The following BCL2L13 variants were observed in gnomAD, a reference collection of about 807,000 sequenced individuals.
BCL2L13 encodes the protein BCL2 like 13, also known as bcl-2-like protein 13.
Under a neutral mutation model 25.8 loss-of-function variants are expected in BCL2L13, and 13 were observed. The ratio of observed to expected loss-of-function variants is 0.50; its 90% CI spans 0.33 to 0.80. The LOEUF is 0.80. BCL2L13 is among the 30% of genes least tolerant of loss of function. The pLI, the probability that BCL2L13 is intolerant of heterozygous loss-of-function variation, is 0.02. For missense variants in BCL2L13, 504 were observed against 574.9 expected, an observed-to-expected ratio of 0.88 and a Z score of 1.26; for synonymous variants, 244 against 230.3, an observed-to-expected ratio of 1.06 and a Z score of -0.54.
intron 2 of BCL2L13, among the ~76,000 whole-genome samples, chr22:17,675,067 C>T (rs2059538383): frequency 1.0e-5 from 1 of 97,322 alleles, no homozygotes; most frequent in African/African-American, 3.4e-5. Flanking sequence ...TACATACATA[C>T]ATATGTATAC....
chr22:17,712,318 C>G (rs1273695861), intron 6 of BCL2L13, among the ~76,000 whole-genome samples: 1 of 152,200 alleles, frequency 6.6e-6, no homozygotes, highest in Admixed American at 6.5e-5. Context: ...AATGCCTCAT[C>G]ACTTTCCTGT....
chr22:17,666,197 T>A (rs903719109), intron 2 of BCL2L13, among the ~76,000 whole-genome samples: 4 of 145,202 alleles, frequency 2.8e-5, no homozygotes, highest in Non-Finnish European at 6.0e-5. Flanking sequence ...AATTTTTAAA[T>A]GTATTTTTAT....
rs546432892 is a variant in BCL2L13 at position 17,645,708 on chromosome 22, G to A, written c.-51+6822G>A. Among the ~76,000 whole-genome samples the A allele has an allele frequency of 1.2e-4, 18 of 151,588 alleles. No homozygotes were observed. In the South Asian group the frequency reaches 3.5e-3, roughly 30 times the overall value. ...TTGTGGATATACATTTGTTGTTAAA[G>A]GTTCATGGATGTTTTATTTGTGGCT... On this transcript the variant is annotated intron_variant, in intron 1 of 6. Transcript: ENST00000317582.
At chr22:17,709,385 C>T (rs144647278) in intron 6 of BCL2L13, among the ~76,000 whole-genome samples, 230 of 151,948 alleles carry the variant, frequency 1.5e-3, no homozygotes, top group African/African-American at 5.3e-3. Context: ...ACCTGAAGTC[C>T]GGAGTTCGAG....
intron 6 of BCL2L13, among the ~76,000 whole-genome samples, chr22:17,719,743 C>T (rs955212644): frequency 2.7e-5 from 4 of 148,858 alleles, no homozygotes; most frequent in South Asian, 2.2e-4. Flanking sequence ...GCAGGATAAT[C>T]GCTGGAATCC....
chr22:17,631,867 G>A (rs914307633), intron 1 of BCL2L13, among the ~76,000 whole-genome samples: 2 of 150,558 alleles, frequency 1.3e-5, no homozygotes, highest in African/African-American at 4.9e-5. Flanking sequence ...GACTATAGGC[G>A]CGTGCCACCA....
chr22:17,680,511 C>CAAAAAAAA lies in BCL2L13; in HGVS notation c.122-2680_122-2673dup, dbSNP rs770410371. On this transcript the variant is annotated intron_variant, in intron 2 of 6. Coordinates refer to ENST00000317582, the MANE Select transcript of BCL2L13 (RefSeq NM_015367.4). ...CCTGGGAGAGAGCGAGACTCTGTCT[C>CAAAAAAAA]AAAAAAAAAAAAAAAAAAAAAAAAA... 4.5e-3 allele frequency among the ~76,000 whole-genome samples: 60 copies of CAAAAAAAA among 13,244 alleles called. 1 individual carries two copies. Among genetic ancestry groups the CAAAAAAAA allele is most frequent in the Non-Finnish European group, 6.1e-3 (48 of 7,834 alleles). The allele number at this position is 13,244 out of a possible 152,430, so 8.7% of individuals were successfully genotyped here. A position where few individuals can be genotyped will look rare whatever the true frequency, so the allele number is the denominator to read the frequency against.
chr22:17,629,643 G>A (rs1342272850), intron 1 of BCL2L13, among the ~76,000 whole-genome samples: 2 of 151,936 alleles, frequency 1.3e-5, no homozygotes, highest in Admixed American at 6.6e-5. Flanking sequence ...GAGGTCAAAT[G>A]GTACACCCAC....
intron 2 of BCL2L13, among the ~76,000 whole-genome samples, chr22:17,680,511 C>CAAAAAAAAA (rs770410371): frequency 5.2e-4 from 7 of 13,346 alleles, no homozygotes; most frequent in Non-Finnish European, 7.6e-4. Context: ...GACTCTGTCT[C>CAAAAAAAAA]AAAAAAAAAA....
chr22:17,683,360 G>A, intron 3 of BCL2L13, 39 bp downstream of exon 3: 1 of 1,223,022 alleles, frequency 8.2e-7, no homozygotes, highest in South Asian at 1.3e-5. Context: ...TAAGCAGATT[G>A]TGTTTGTTAT....
chr22:17,648,566 A>T (rs972102240), intron 1 of BCL2L13, among the ~76,000 whole-genome samples: 1 of 152,084 alleles, frequency 6.6e-6, no homozygotes, highest in Non-Finnish European at 1.5e-5. Flanking sequence ...AAAAAGTTGC[A>T]TGGCTGTTTT....
chr22:17,652,775 CAG>C (rs1014566374), intron 1 of BCL2L13, among the ~76,000 whole-genome samples: 1 of 152,054 alleles, frequency 6.6e-6, no homozygotes, highest in Non-Finnish European at 1.5e-5. Flanking sequence ...AGTGAAAAAA[CAG>C]AGTGAGGCCA....
At chr22:17,706,303 C>T (rs1435684869) in intron 6 of BCL2L13, among the ~76,000 whole-genome samples, 1 of 152,110 alleles carries the variant, frequency 6.6e-6, no homozygotes, top group African/African-American at 2.4e-5. Context: ...CGCCACCTTG[C>T]CCAGCCTGTT....
chr22:17,718,434 A>T (rs1197320073), intron 6 of BCL2L13, among the ~76,000 whole-genome samples: 1 of 152,140 alleles, frequency 6.6e-6, no homozygotes, highest in Admixed American at 6.5e-5. Flanking sequence ...GGCTGGCTGT[A>T]TTGCGTGAGT....
chr22:17,725,888 TATATA>T (rs2061282646), intron 6 of BCL2L13, among the ~76,000 whole-genome samples: 1 of 150,302 alleles, frequency 6.7e-6, no homozygotes, highest in South Asian at 2.1e-4. Flanking sequence ...AAGGTAATTT[TATATA>T]ATATTAATAT....
chr22:17,680,511 C>CAAA (rs770410371), intron 2 of BCL2L13, among the ~76,000 whole-genome samples: 149 of 13,332 alleles, frequency 0.011, 14 homozygotes, highest in African/African-American at 0.034. Flanking sequence ...GACTCTGTCT[C>CAAA]AAAAAAAAAA....
At chr22:17,654,280 T>C (rs533757830) in intron 1 of BCL2L13, among the ~76,000 whole-genome samples, 1 of 152,094 alleles carries the variant, frequency 6.6e-6, no homozygotes, top group African/African-American at 2.4e-5. Flanking sequence ...ATTTTTAACA[T>C]TTATTTAGAG....
intron 4 of BCL2L13, chr22:17,695,789 G>T: frequency 5.7e-6 from 1 of 174,640 alleles, no homozygotes; most frequent in Non-Finnish European, 1.2e-5. Context: ...GGTTTTCATT[G>T]TGCTAATGAG....
At chr22:17,650,270 C>T (rs1343155574) in intron 1 of BCL2L13, among the ~76,000 whole-genome samples, 2 of 152,306 alleles carry the variant, frequency 1.3e-5, no homozygotes. Flanking sequence ...TGATTACAGT[C>T]TTTCCTGGTT....
Sources: gnomAD v4.1 joint callset for allele counts (sites outside exome capture counted in the v4.1 genomes callset) on GRCh38, gnomAD v4.1.1 for gene constraint, MANE v1.5 for transcripts, NCBI Gene and HGNC (gene_info 2026-07-23, HGNC 2026-07-21) for gene names.